MAGI2: variants seen among roughly 807,000 people sequenced by gnomAD.
The protein encoded by MAGI2 is membrane-associated guanylate kinase, WW and PDZ domain-containing protein 2.
Under a neutral mutation model 133.3 loss-of-function variants are expected in MAGI2, and 35 were observed. The observed-to-expected ratio is 0.26, with a 90% confidence interval of 0.20 to 0.35. The LOEUF is 0.35. Among genes scored for constraint, MAGI2 ranks in the 10% least tolerant of loss-of-function variants. MAGI2 has a pLI of 1.00. For missense variants in MAGI2, 1,636 were observed against 1,863.4 expected, an observed-to-expected ratio of 0.88 and a Z score of 2.25; for synonymous variants, 729 against 710.6, an observed-to-expected ratio of 1.03 and a Z score of -0.41.
At chr7:78,687,029 G>A (rs1816395665) in intron 2 of MAGI2, among the ~76,000 whole-genome samples, 2 of 152,172 alleles carry the variant, frequency 1.3e-5, no homozygotes, top group Admixed American at 1.3e-4. Context: ...ACTCAGTCCA[G>A]CGCATTGCAT....
At chr7:78,241,461 G>A (rs966120599) in intron 10 of MAGI2, among the ~76,000 whole-genome samples, 5 of 152,084 alleles carry the variant, frequency 3.3e-5, no homozygotes, top group Non-Finnish European at 7.4e-5. Flanking sequence ...TATTTACTCA[G>A]ATTTCTCACA....
At chr7:78,661,787 C>T (rs1812986494) in intron 2 of MAGI2, among the ~76,000 whole-genome samples, 1 of 152,204 alleles carries the variant, frequency 6.6e-6, no homozygotes, top group East Asian at 1.9e-4. Flanking sequence ...CTGTCAGCTA[C>T]TTCTGCCAAC....
intron 15 of MAGI2, among the ~76,000 whole-genome samples, chr7:78,161,661 G>C (rs56166228): frequency 2.6e-5 from 2 of 78,012 alleles, no homozygotes; most frequent in African/African-American, 5.6e-5. Context: ...TTGTTACATC[G>C]ATACCTAAAA....
chr7:78,595,293 C>T (rs1187202739), intron 3 of MAGI2, among the ~76,000 whole-genome samples: 1 of 152,052 alleles, frequency 6.6e-6, no homozygotes, highest in Non-Finnish European at 1.5e-5. Context: ...CAATATATAA[C>T]CTATGGAAAG....
chr7:79,315,326 T>A (rs913176098), intron 1 of MAGI2, among the ~76,000 whole-genome samples: 3 of 32,180 alleles, frequency 9.3e-5, no homozygotes, highest in Admixed American at 5.4e-4. Flanking sequence ...GCCCAGTTAA[T>A]TTTTTTTTTT....
chr7:78,411,566 G>C (rs1479055900), intron 6 of MAGI2, among the ~76,000 whole-genome samples: 1 of 151,990 alleles, frequency 6.6e-6, no homozygotes, highest in Non-Finnish European at 1.5e-5. Context: ...AAACAAACCA[G>C]TTAAAATGAA....
chr7:78,539,477 T>C (rs1798233228), intron 3 of MAGI2, among the ~76,000 whole-genome samples: 1 of 136,592 alleles, frequency 7.3e-6, no homozygotes, highest in Admixed American at 7.3e-5. Context: ...GTAGTTTTTT[T>C]GTTTTTTTGT....
intron 1 of MAGI2, among the ~76,000 whole-genome samples, chr7:79,148,489 C>T (rs1396007228): frequency 2.0e-5 from 3 of 152,100 alleles, no homozygotes; most frequent in Non-Finnish European, 4.4e-5. Context: ...CTGCTTCTTC[C>T]ATTTTACTAT....
intron 2 of MAGI2, among the ~76,000 whole-genome samples, chr7:78,963,833 T>C (rs74767821): frequency 0.022 from 3,392 of 152,096 alleles, 118 homozygotes; most frequent in African/African-American, 0.077. Context: ...CGGTTCCTAA[T>C]ATTTAAATTA....
chr7:78,261,165 C>G (rs910271460), intron 9 of MAGI2, among the ~76,000 whole-genome samples: 3 of 152,110 alleles, frequency 2.0e-5, no homozygotes, highest in Non-Finnish European at 4.4e-5. Flanking sequence ...GTTCAAACTA[C>G]TTGATCTCTT....
chr7:79,266,976 T>G (rs1280484456), intron 1 of MAGI2, among the ~76,000 whole-genome samples: 1 of 152,146 alleles, frequency 6.6e-6, no homozygotes, highest in East Asian at 1.9e-4. Context: ...TGATACAGAC[T>G]TCAGATAAGG....
chr7:78,575,764 C>T (rs1802203783), intron 3 of MAGI2, among the ~76,000 whole-genome samples: 1 of 152,094 alleles, frequency 6.6e-6, no homozygotes, highest in Non-Finnish European at 1.5e-5. Flanking sequence ...TTGACAAATA[C>T]TCCTCAAAAT....
chr7:79,059,160 G>A (rs1405156310), intron 1 of MAGI2, among the ~76,000 whole-genome samples: 1 of 151,948 alleles, frequency 6.6e-6, no homozygotes, highest in Non-Finnish European at 1.5e-5. Context: ...AAATAATACA[G>A]AAAAGGATTC....
At chr7:78,844,433 C>A (rs1050264424) in intron 2 of MAGI2, among the ~76,000 whole-genome samples, 5 of 151,684 alleles carry the variant, frequency 3.3e-5, no homozygotes, top group African/African-American at 9.7e-5. Context: ...AATGGATACA[C>A]AAATGGGGAA....
intron 1 of MAGI2, among the ~76,000 whole-genome samples, chr7:79,283,259 G>A (rs1160004231): frequency 6.6e-6 from 1 of 152,086 alleles, no homozygotes; most frequent in Non-Finnish European, 1.5e-5. Flanking sequence ...AAATGTCACA[G>A]AGGACATATA....
At chr7:78,198,931 G>T (rs914893016) in intron 11 of MAGI2, among the ~76,000 whole-genome samples, 1 of 152,180 alleles carries the variant, frequency 6.6e-6, no homozygotes, top group East Asian at 1.9e-4. Context: ...TGTTCAACAG[G>T]AAGTGACTAT....
At chr7:79,095,006 C>G (rs1817397949) in intron 1 of MAGI2, among the ~76,000 whole-genome samples, 1 of 152,168 alleles carries the variant, frequency 6.6e-6, no homozygotes, top group Admixed American at 6.6e-5. Context: ...TCAGTCTGGC[C>G]TTAGAATCTT....
intron 6 of MAGI2, among the ~76,000 whole-genome samples, chr7:78,414,066 G>A (rs1277798028): frequency 6.6e-6 from 1 of 151,932 alleles, no homozygotes; most frequent in Non-Finnish European, 1.5e-5. Context: ...ATATTAACCA[G>A]AGGTGCAAAT....
At chr7:78,879,503 C>G (rs1307326508) in intron 2 of MAGI2, among the ~76,000 whole-genome samples, 4 of 151,992 alleles carry the variant, frequency 2.6e-5, no homozygotes, top group African/African-American at 4.8e-5. Flanking sequence ...CCAACATTCT[C>G]TACAGGCACT....
Sources: gnomAD v4.1 joint callset for allele counts (sites outside exome capture counted in the v4.1 genomes callset) on GRCh38, gnomAD v4.1.1 for gene constraint, MANE v1.5 for transcripts, NCBI Gene and HGNC (gene_info 2026-07-23, HGNC 2026-07-21) for gene names.